The following PPARG variants were observed in gnomAD, a reference collection of about 807,000 sequenced individuals.
PPARG encodes the protein peroxisome proliferator-activated receptor gamma.
In PPARG, 17 loss-of-function variants were observed where a neutral mutation model predicts 39.2. The ratio of observed to expected loss-of-function variants is 0.43; its 90% CI spans 0.30 to 0.65. The LOEUF is 0.65. Among genes scored for constraint, PPARG ranks in the 30% least tolerant of loss-of-function variants. The pLI is 0.13. For missense variants in PPARG, 406 were observed against 585.9 expected, an observed-to-expected ratio of 0.69 and a Z score of 3.17; for synonymous variants, 223 against 215.7, an observed-to-expected ratio of 1.03 and a Z score of -0.30.
chr3:12,392,234 G>C (rs767141817), intron 4 of PPARG, among the ~76,000 whole-genome samples: 3 of 152,150 alleles, frequency 2.0e-5, no homozygotes, highest in East Asian at 1.9e-4. Context: ...AATTACAAAG[G>C]CTGGGGCATG....
At chr3:12,369,367 C>A (rs573781587) in intron 2 of PPARG, among the ~76,000 whole-genome samples, 3 of 152,144 alleles carry the variant, frequency 2.0e-5, no homozygotes, top group African/African-American at 7.2e-5. Flanking sequence ...TGGTGCATGC[C>A]TGTGGTCCCA....
At chr3:12,295,662 C>G (rs2046761375) in intron 1 of PPARG, among the ~76,000 whole-genome samples, 1 of 151,808 alleles carries the variant, frequency 6.6e-6, no homozygotes, top group Non-Finnish European at 1.5e-5. Context: ...TACAGGCGCC[C>G]ACCACCACAC....
At chr3:12,315,131 C>A (rs1417352078) in intron 2 of PPARG, among the ~76,000 whole-genome samples, 2 of 152,192 alleles carry the variant, frequency 1.3e-5, no homozygotes, top group Non-Finnish European at 2.9e-5. Context: ...TTCCCAGCCT[C>A]TAGTAGCAAC....
intron 4 of PPARG, among the ~76,000 whole-genome samples, chr3:12,390,637 CTT>C (rs35190152): frequency 1.2e-4 from 11 of 92,378 alleles, no homozygotes; most frequent in African/African-American, 2.2e-4. Flanking sequence ...TATTTTCTTC[CTT>C]TTTTTTTTTT....
At chr3:12,350,762 A>G (rs555555808) in intron 2 of PPARG, among the ~76,000 whole-genome samples, 2 of 152,208 alleles carry the variant, frequency 1.3e-5, no homozygotes, top group African/African-American at 2.4e-5. Flanking sequence ...TCATTATGAC[A>G]TAGCACTTAT....
chr3:12,364,387 G>T (rs894155371), intron 2 of PPARG, among the ~76,000 whole-genome samples: 1 of 152,126 alleles, frequency 6.6e-6, no homozygotes, highest in Non-Finnish European at 1.5e-5. Context: ...TGGCTTGATA[G>T]CTCATTTCTT....
At chr3:12,401,450 T>A (rs2050467315) in intron 5 of PPARG, among the ~76,000 whole-genome samples, 1 of 152,194 alleles carries the variant, frequency 6.6e-6, no homozygotes, top group Non-Finnish European at 1.5e-5. Flanking sequence ...CTGTGTTTGT[T>A]AAGCATTGCC....
chr3:12,430,138 A>T (rs112413334), intron 7 of PPARG, among the ~76,000 whole-genome samples: 2 of 152,210 alleles, frequency 1.3e-5, no homozygotes, highest in South Asian at 4.1e-4. Context: ...CTTGAGCCTT[A>T]TCTCAATGGA....
chr3:12,380,014 C>A, intron 3 of PPARG, 83 bp downstream of exon 3: 4 of 1,183,334 alleles, frequency 3.4e-6, no homozygotes, highest in East Asian at 2.4e-5. Context: ...AATAATGCTC[C>A]AGAGACTAGA....
intron 1 of PPARG, among the ~76,000 whole-genome samples, chr3:12,290,499 T>G (rs997638284): frequency 2.0e-5 from 3 of 152,134 alleles, no homozygotes; most frequent in Non-Finnish European, 4.4e-5. Context: ...AATGTTCATT[T>G]TTTTGTATGT....
At chr3:12,411,856 G>T (rs1402797526) in intron 6 of PPARG, among the ~76,000 whole-genome samples, 1 of 152,134 alleles carries the variant, frequency 6.6e-6, no homozygotes, top group Non-Finnish European at 1.5e-5. Context: ...AACCAGGTGT[G>T]TCAAAGGTGA....
intron 7 of PPARG, among the ~76,000 whole-genome samples, chr3:12,429,005 C>A (rs1230645918): frequency 6.6e-6 from 1 of 152,130 alleles, no homozygotes; most frequent in Non-Finnish European, 1.5e-5. Context: ...CCCAAGGTCA[C>A]AGAGCTGGTG....
chr3:12,419,211 C>T (rs2051178992), intron 7 of PPARG, among the ~76,000 whole-genome samples: 1 of 152,100 alleles, frequency 6.6e-6, no homozygotes, highest in Non-Finnish European at 1.5e-5. Flanking sequence ...TCCCAAAGTG[C>T]TGGGATTATA....
At chr3:12,382,625 C>A (rs2049719118) in intron 4 of PPARG, among the ~76,000 whole-genome samples, 1 of 152,104 alleles carries the variant, frequency 6.6e-6, no homozygotes, top group Non-Finnish European at 1.5e-5. Context: ...TATGAGGTAA[C>A]GTTTTCATAC....
Position 12,392,638 on chromosome 3 carries a change from T to C in PPARG, c.415T>C (p.Leu139=). ...GGGTTTCTTCCGGAGAACAATCAGATTGAAGCTTATCTATGACAGATGTGA... is the reference window on the plus strand; with the variant it reads ...GGGTTTCTTCCGGAGAACAATCAGACTGAAGCTTATCTATGACAGATGTGA... ...CKGFFRRTIR[L]KLIYDRCDLN... The change falls in exon 5 of 8, where the codon TTG becomes CTG. Residue 139 remains leucine (L), a synonymous_variant. Transcript: ENST00000651735. 2 of 1,613,912 alleles carry C rather than the reference T, an allele frequency of 1.2e-6. No individual in the cohort carries two copies. Among genetic ancestry groups the C allele is most frequent in the Non-Finnish European group, 8.5e-7 (1 of 1,179,866 alleles).
intron 2 of PPARG, among the ~76,000 whole-genome samples, chr3:12,317,278 C>T (rs963452292): frequency 1.3e-5 from 2 of 152,072 alleles, no homozygotes; most frequent in Non-Finnish European, 2.9e-5. Context: ...GAATTTTGGC[C>T]TTCGGGTTTG....
intron 2 of PPARG, among the ~76,000 whole-genome samples, chr3:12,318,244 T>G (rs1258926419): frequency 6.6e-6 from 1 of 152,150 alleles, no homozygotes; most frequent in African/African-American, 2.4e-5. Flanking sequence ...AAATGGTGTT[T>G]TTTTAAAAAA....
At chr3:12,394,492 T>C (rs558137936) in intron 5 of PPARG, among the ~76,000 whole-genome samples, 1 of 152,330 alleles carries the variant, frequency 6.6e-6, no homozygotes, top group East Asian at 1.9e-4. Flanking sequence ...TATCATAAAC[T>C]TGATAGGTCA....
intron 2 of PPARG, among the ~76,000 whole-genome samples, chr3:12,370,965 A>G (rs1211354862): frequency 6.6e-6 from 1 of 152,196 alleles, no homozygotes; most frequent in African/African-American, 2.4e-5. Flanking sequence ...TCCTGTTTAA[A>G]CAATAGGGCT....
Sources: allele counts gnomAD v4.1 joint callset (sites outside exome capture counted in the v4.1 genomes callset), GRCh38; gene constraint gnomAD v4.1.1; transcripts MANE v1.5; gene names NCBI Gene and HGNC (gene_info 2026-07-23, HGNC 2026-07-21).